The following GSN variants were observed in gnomAD, a reference collection of about 807,000 sequenced individuals.
GSN encodes the protein gelsolin.
A neutral mutation model predicts 85.7 loss-of-function variants in GSN; 56 were observed. The ratio of observed to expected loss-of-function variants is 0.65; its 90% CI spans 0.53 to 0.82. The LOEUF is 0.82. GSN is among the 40% of genes least tolerant of loss of function. The pLI is 0.00. For missense variants in GSN, 857 were observed against 979.8 expected, an observed-to-expected ratio of 0.87 and a Z score of 1.67; for synonymous variants, 373 against 399.1, an observed-to-expected ratio of 0.93 and a Z score of 0.78.
At chr9:121,269,925 G>A (rs1037191483) in intron 1 of GSN, among the ~76,000 whole-genome samples, 3 of 152,156 alleles carry the variant, frequency 2.0e-5, no homozygotes, top group Non-Finnish European at 1.5e-5. Context: ...CTTGCCCTGC[G>A]AGGGGCCAAA....
chr9:121,235,332 A>G (rs2054471699), intron 5 of GSN, among the ~76,000 whole-genome samples: 1 of 152,198 alleles, frequency 6.6e-6, no homozygotes, highest in Non-Finnish European at 1.5e-5. Context: ...TGGTTTCCAC[A>G]TCTTTCATCT....
At chr9:121,243,205 G>A (rs1019983514) in intron 5 of GSN, among the ~76,000 whole-genome samples, 2 of 152,116 alleles carry the variant, frequency 1.3e-5, no homozygotes, top group African/African-American at 2.4e-5. Flanking sequence ...CTTGGCACAT[G>A]GTTCCTTCCT....
At chr9:121,211,846 T>C (rs1167880284) in intron 4 of GSN, among the ~76,000 whole-genome samples, 2 of 152,142 alleles carry the variant, frequency 1.3e-5, no homozygotes, top group Non-Finnish European at 2.9e-5. Context: ...CAAAAAAATA[T>C]ATTTTTTGAA....
chr9:121,292,897 C>G (rs2058830674), intron 2 of GSN, among the ~76,000 whole-genome samples: 1 of 152,188 alleles, frequency 6.6e-6, no homozygotes, highest in Non-Finnish European at 1.5e-5. Context: ...TCCACGGATC[C>G]CTCACATTTA....
At chr9:121,250,873 GT>G (rs1564358180) in intron 6 of GSN, among the ~76,000 whole-genome samples, 1,143 of 13,244 alleles carry the variant, frequency 0.086, 5 homozygotes, top group Non-Finnish European at 0.11. Context: ...CCTGCTTGGG[GT>G]GTGTGTGTGT....
chr9:121,250,253 G>A (rs900490639), intron 6 of GSN, among the ~76,000 whole-genome samples: 5 of 145,906 alleles, frequency 3.4e-5, no homozygotes, highest in Admixed American at 7.0e-5. Flanking sequence ...CGCCCAGGCC[G>A]GAGTGCAGTG....
At chr9:121,256,040 T>C (rs2054950979) in intron 6 of GSN, among the ~76,000 whole-genome samples, 1 of 152,104 alleles carries the variant, frequency 6.6e-6, no homozygotes, top group African/African-American at 2.4e-5. Context: ...AGAGAGATGG[T>C]GAGTTCTCGG....
At chr9:121,255,868 A>G (rs551668958) in intron 6 of GSN, among the ~76,000 whole-genome samples, 1 of 152,320 alleles carries the variant, frequency 6.6e-6, no homozygotes, top group South Asian at 2.1e-4. Flanking sequence ...ATCATAGAGA[A>G]TAGCGGTTCC....
At chr9:121,205,676 T>G (rs539575019), upstream of GSN, among the ~76,000 whole-genome samples, 1 of 152,148 alleles carries the variant, frequency 6.6e-6, no homozygotes, top group African/African-American at 2.4e-5. Context: ...CTGGAAGATA[T>G]AGCAAATGTG....
intron 6 of GSN, among the ~76,000 whole-genome samples, chr9:121,255,579 G>A (rs2054937835): frequency 1.3e-5 from 2 of 152,184 alleles, no homozygotes; most frequent in South Asian, 4.1e-4. Flanking sequence ...CACATATGCT[G>A]ATATTCCATA....
At chr9:121,257,276 G>A (rs2054984972) in intron 6 of GSN, among the ~76,000 whole-genome samples, 2 of 152,170 alleles carry the variant, frequency 1.3e-5, no homozygotes, top group South Asian at 4.1e-4. Context: ...GACCTACCAT[G>A]TGTCAGGCAT....
At chr9:121,293,697 CAA>C (rs55953322) in intron 2 of GSN, among the ~76,000 whole-genome samples, 53,170 of 108,372 alleles carry the variant, frequency 0.49, 10,798 homozygotes, top group East Asian at 0.62. Flanking sequence ...GACCCCATCT[CAA>C]AAAAAAAAAA....
chr9:121,314,162 A>T, intron 7 of GSN, 139 bp downstream of exon 7: 1 of 727,134 alleles, frequency 1.4e-6, no homozygotes, highest in Non-Finnish European at 2.5e-6. Context: ...TCACGTCTCC[A>T]GTGGATGCTC....
chr9:121,282,459 C>T, intron 2 of GSN: 1 of 1,291,704 alleles, frequency 7.7e-7, no homozygotes, highest in Non-Finnish European at 9.9e-7. Context: ...TGAATGAATA[C>T]AGGACTTACG....
intron 1 of GSN, among the ~76,000 whole-genome samples, chr9:121,274,820 C>T (rs2056466521): frequency 6.6e-6 from 1 of 152,124 alleles, no homozygotes; most frequent in South Asian, 2.1e-4. Context: ...GGATGAGGAG[C>T]CTGATCAGAT....
chr9:121,307,537 A>G (rs3789317), intron 4 of GSN, among the ~76,000 whole-genome samples: 23,430 of 152,186 alleles, frequency 0.15, 1,913 homozygotes, highest in Admixed American at 0.22. Context: ...GATAGAACCC[A>G]GCACTGCCGC....
At chr9:121,243,078 C>G (rs1487922495) in intron 5 of GSN, among the ~76,000 whole-genome samples, 1 of 152,184 alleles carries the variant, frequency 6.6e-6, no homozygotes, top group East Asian at 1.9e-4. Context: ...TTCTGGAGTT[C>G]AGCAGTCTCC....
At chr9:121,242,376 T>C (rs185726230) in intron 5 of GSN, among the ~76,000 whole-genome samples, 1 of 152,214 alleles carries the variant, frequency 6.6e-6, no homozygotes, top group East Asian at 1.9e-4. Flanking sequence ...TTCTGGAAGA[T>C]GGCTTGTGTA....
chr9:121,299,708 G>C lies in GSN; in HGVS notation c.-9-2255G>C. 1.1e-6 allele frequency: 1 copy of C among 950,664 alleles called. No individual in the cohort carries two copies. Among genetic ancestry groups the C allele is most frequent in the Non-Finnish European group, 1.3e-6 (1 of 754,378 alleles). 58.9% of individuals were successfully genotyped at this position (950,664 alleles called of 1,614,324 possible). On this transcript the variant is annotated intron_variant, in intron 2 of 17. Coordinates refer to ENST00000432226, the MANE Select transcript of GSN (RefSeq NM_198252.3). The surrounding 1 kb of genome is among the most constrained non-coding windows in gnomAD (Gnocchi z 4.2). The stretch of plus-strand genomic sequence containing the variant: ...GCGCCCTGTCGGGTCGATCCGGGTG[G>C]GAACCCAGATGTCTCCAAGATCCGA...
Sources: gnomAD v4.1 joint callset for allele counts (sites outside exome capture counted in the v4.1 genomes callset) on GRCh38, gnomAD v4.1.1 for gene constraint, Gnocchi (gnomAD v3.1) non-coding constraint, MANE v1.5 for transcripts, NCBI Gene and HGNC (gene_info 2026-07-23, HGNC 2026-07-21) for gene names.